Variants in AIG1 observed in about 807,000 individuals in gnomAD.
The protein encoded by AIG1 is androgen induced 1, also known as androgen-induced gene 1 protein.
Under a neutral mutation model 31.4 loss-of-function variants are expected in AIG1, and 23 were observed. The observed-to-expected ratio is 0.73, with a 90% CI of 0.53 to 1.04. The LOEUF (loss-of-function observed/expected upper bound fraction) is 1.04, where lower values mean the gene tolerates loss of function less well. Ranked by LOEUF, AIG1 falls within the 50% of genes least tolerant of loss-of-function variation. The pLI, the probability that AIG1 is intolerant of heterozygous loss-of-function variation, is 0.00. For missense variants in AIG1, 274 were observed against 295.0 expected, an observed-to-expected ratio of 0.93 and a Z score of 0.52; for synonymous variants, 100 against 110.5, an observed-to-expected ratio of 0.90 and a Z score of 0.60.
chr6:143,254,380 T>C (rs1795221743), intron 3 of AIG1, among the ~76,000 whole-genome samples: 2 of 152,110 alleles, frequency 1.3e-5, no homozygotes, highest in Admixed American at 6.5e-5. Flanking sequence ...CATGACAAAT[T>C]TAAAACAACT....
At chr6:143,263,851 GT>G (rs988799152) in intron 3 of AIG1, among the ~76,000 whole-genome samples, 1 of 152,174 alleles carries the variant, frequency 6.6e-6, no homozygotes, top group African/African-American at 2.4e-5. Flanking sequence ...GCTACTGTAA[GT>G]AGGGCTAGGG....
At chr6:143,067,598 CTT>C (rs1274894007) in intron 1 of AIG1, among the ~76,000 whole-genome samples, 2 of 152,068 alleles carry the variant, frequency 1.3e-5, no homozygotes, top group East Asian at 3.9e-4. Flanking sequence ...TTGAGTTAGT[CTT>C]ATATTTATTT....
intron 3 of AIG1, among the ~76,000 whole-genome samples, chr6:143,223,323 A>G (rs752789974): frequency 1.1e-4 from 17 of 152,206 alleles, no homozygotes; most frequent in Non-Finnish European, 2.4e-4. Flanking sequence ...CCTCCAGGTA[A>G]ACAAGGAAAG....
rs1037379266 is a variant in AIG1 at position 143,306,387 on chromosome 6, T to C, written c.515+22162T>C. Among the ~76,000 whole-genome samples the C allele has an allele frequency of 6.2e-4, 94 of 152,128 alleles. 1 individual carries two copies. Among genetic ancestry groups the C allele is most frequent in the African/African-American group, 2.2e-3 (91 of 41,440 alleles). On this transcript the variant is annotated intron_variant, in intron 4 of 5. Transcript: ENST00000357847. The stretch of plus-strand genomic sequence containing the variant: ...ACTGGTTGTTCCTTTCCATGTTTAG[T>C]GCTTCCTTCAGGAGCTCTTTTAGGG...
chr6:143,209,403 CT>C (rs1198515681), intron 3 of AIG1, among the ~76,000 whole-genome samples: 7 of 152,130 alleles, frequency 4.6e-5, no homozygotes, highest in Admixed American at 1.3e-4. Flanking sequence ...AATGAGCTAA[CT>C]TTAAGATAAG....
chr6:143,072,577 A>G, intron 1 of AIG1, among the ~76,000 whole-genome samples: 1 of 149,686 alleles, frequency 6.7e-6, no homozygotes, highest in East Asian at 2.0e-4. Flanking sequence ...TTAGATATAG[A>G]TTTTTTTTTT....
intron 3 of AIG1, among the ~76,000 whole-genome samples, chr6:143,275,831 C>T (rs1297642988): frequency 2.0e-5 from 3 of 152,168 alleles, no homozygotes; most frequent in Non-Finnish European, 4.4e-5. Context: ...AGGTGCTATT[C>T]TGTGAGAACT....
intron 3 of AIG1, among the ~76,000 whole-genome samples, chr6:143,240,711 T>TA (rs1469497140): frequency 6.6e-6 from 1 of 152,180 alleles, no homozygotes; most frequent in African/African-American, 2.4e-5. Flanking sequence ...CCAAATATAA[T>TA]AAAAAATTAC....
At chr6:143,239,346 G>T (rs1794051115) in intron 3 of AIG1, among the ~76,000 whole-genome samples, 1 of 152,216 alleles carries the variant, frequency 6.6e-6, no homozygotes, top group Admixed American at 6.5e-5. Context: ...AGATATTAAT[G>T]GGAAAACCTT....
At chr6:143,251,801 C>CATCT (rs1196375982) in intron 3 of AIG1, among the ~76,000 whole-genome samples, 1 of 151,110 alleles carries the variant, frequency 6.6e-6, no homozygotes, top group East Asian at 2.0e-4. Context: ...CCACCATCTA[C>CATCT]ATCTACACGC....
At chr6:143,187,856 A>C (rs1392298328) in intron 3 of AIG1, 2 of 1,439,916 alleles carry the variant, frequency 1.4e-6, no homozygotes, top group Non-Finnish European at 1.8e-6. Flanking sequence ...AGCGATGTAC[A>C]GAAGGGTATC....
chr6:143,320,730 T>C (rs750529337), intron 4 of AIG1, among the ~76,000 whole-genome samples: 2 of 151,968 alleles, frequency 1.3e-5, no homozygotes, highest in Non-Finnish European at 2.9e-5. Context: ...ATTTCAGTTA[T>C]ACAAGCTAAG....
At chr6:143,160,841 C>CAA (rs1786297691) in intron 2 of AIG1, among the ~76,000 whole-genome samples, 1 of 152,202 alleles carries the variant, frequency 6.6e-6, no homozygotes, top group South Asian at 2.1e-4. Flanking sequence ...TCCTGACCTT[C>CAA]TAGTATTACA....
At chr6:143,082,473 A>G (rs960963846) in intron 1 of AIG1, among the ~76,000 whole-genome samples, 1 of 152,220 alleles carries the variant, frequency 6.6e-6, no homozygotes, top group East Asian at 1.9e-4. Context: ...GTGTGCAGTC[A>G]CAGCACTGGT....
chr6:143,202,089 AC>A (rs1790738031), intron 3 of AIG1, among the ~76,000 whole-genome samples: 1 of 152,098 alleles, frequency 6.6e-6, no homozygotes, highest in African/African-American at 2.4e-5. Context: ...ATTCAAGTCT[AC>A]TCTTACCAAC....
chr6:143,210,628 C>T (rs1791508126), intron 3 of AIG1, among the ~76,000 whole-genome samples: 1 of 152,184 alleles, frequency 6.6e-6, no homozygotes, highest in African/African-American at 2.4e-5. Flanking sequence ...TGCTTGTATA[C>T]AGGAAGGAGA....
At chr6:143,303,753 T>A (rs2128700461) in intron 4 of AIG1, among the ~76,000 whole-genome samples, 1 of 148,042 alleles carries the variant, frequency 6.8e-6, no homozygotes, top group African/African-American at 2.5e-5. Flanking sequence ...TTTTTTCCAA[T>A]TCTGTGAAGA....
rs1437881218 is a variant in AIG1, at chr6:143,258,316, A to T, written c.400-25794A>T. On this transcript the variant is annotated intron_variant, in intron 3 of 5. Coordinates refer to ENST00000357847, the MANE Select transcript of AIG1 (RefSeq NM_016108.4). The surrounding 1 kb of genome is among the most constrained non-coding windows in gnomAD (Gnocchi z 4.7). ...GAGCTCATGTTCATTCAGCCTCTTC[A>T]TGAATTTTGTGAACAATCACCAGCA... Among the ~76,000 whole-genome samples, 1 of 152,218 alleles carries T rather than the reference A, an allele frequency of 6.6e-6. No homozygotes were observed. Among genetic ancestry groups the T allele is most frequent in the Non-Finnish European group, 1.5e-5 (1 of 68,044 alleles).
chr6:143,276,528 A>G (rs1280374313), intron 3 of AIG1, among the ~76,000 whole-genome samples: 1 of 152,202 alleles, frequency 6.6e-6, no homozygotes, highest in East Asian at 1.9e-4. Flanking sequence ...ACAGTTAAAA[A>G]ATGCCCTGGC....
Sources: gnomAD v4.1 joint callset for allele counts (sites outside exome capture counted in the v4.1 genomes callset) on GRCh38, gnomAD v4.1.1 for gene constraint, Gnocchi (gnomAD v3.1) non-coding constraint, MANE v1.5 for transcripts, NCBI Gene and HGNC (gene_info 2026-07-23, HGNC 2026-07-21) for gene names.